The following UTP4 variants were observed in gnomAD, a reference collection of about 807,000 sequenced individuals.
UTP4 encodes U3 small nucleolar RNA-associated protein 4 homolog.
Under a neutral mutation model 82.4 loss-of-function variants are expected in UTP4, and 45 were observed. The observed-to-expected ratio is 0.55, with a 90% CI of 0.43 to 0.70. The LOEUF (loss-of-function observed/expected upper bound fraction) is 0.70. Ranked by LOEUF, UTP4 falls within the 30% of genes least tolerant of loss-of-function variation. The pLI is 0.00. For missense variants in UTP4, 819 were observed against 858.3 expected, an observed-to-expected ratio of 0.95 and a Z score of 0.57; for synonymous variants, 348 against 300.3, an observed-to-expected ratio of 1.16 and a Z score of -1.64.
rs777003791 is a variant in UTP4, at chr16:69,153,696, G to T, written c.1099+16G>T. The T allele has an allele frequency of 5.1e-6, 8 of 1,561,900 alleles. No homozygotes were observed. The East Asian group carries it at 1.1e-4, about 22-fold the overall frequency. ...GTTGCAACAGGTAAGATGGGAGCAC[G>T]TTTTTTTCAATAAGAAAACTGGAGA... is the stretch of plus-strand genomic sequence containing the variant. On this transcript the variant is annotated intron_variant, in intron 9 of 16. Coordinates refer to ENST00000314423, the MANE Select transcript of UTP4 (RefSeq NM_032830.3).
rs552112487 is a variant in UTP4, at chr16:69,150,993, C to T, written c.1002+89C>T. 2.6e-5 allele frequency: 26 copies of T among 1,013,434 alleles called. No individual in the cohort carries two copies. The Admixed American group carries it at 2.7e-4, about 11-fold the overall frequency. 62.8% of individuals were successfully genotyped at this position (1,013,434 alleles called of 1,614,324 possible). A position where few individuals can be genotyped will look rare whatever the true frequency, so the allele number is the denominator to read the frequency against. On this transcript the variant is annotated intron_variant, in intron 8 of 16. Transcript: ENST00000314423. ...ACAAGCTCTGAACACAGCTCACGCT[C>T]GGCAAATTTGTAGGACTTTTTTTTT...
At chr16:69,167,339 C>T (rs1963727129) in intron 16 of UTP4, 154 bp downstream of exon 16, 1 of 663,070 alleles carries the variant, frequency 1.5e-6, no homozygotes, top group Admixed American at 2.3e-5. Flanking sequence ...CTGGCTGTCC[C>T]TTGTATATGT....
rs780623192 is a variant in UTP4 at position 69,160,468 on chromosome 16, C to T, written c.1551+6C>T. 6.2e-7 allele frequency: 1 copy of T among 1,601,008 alleles called. No homozygotes were observed. Among genetic ancestry groups the T allele is most frequent in the Admixed American group, 1.7e-5 (1 of 59,978 alleles). ...ACAACGTAAAACAGCTAAAGGTGAG[C>T]ATAGGGTTTCATGGCAGCAGTTTGA... is the stretch of plus-strand genomic sequence containing the variant. On this transcript the variant is annotated splice_donor_region_variant and intron_variant, in intron 13 of 16. Coordinates refer to ENST00000314423, the MANE Select transcript of UTP4 (RefSeq NM_032830.3).
At chr16:69,139,757 G>T (rs1344853097) in intron 4 of UTP4, 68 bp from the exon 5 acceptor site, 1 of 1,017,844 alleles carries the variant, frequency 9.8e-7, no homozygotes, top group Non-Finnish European at 1.6e-6. Flanking sequence ...GTTGTGGGAA[G>T]AGAGCTCAGT....
chr16:69,159,997 A>G (rs1226627605), intron 12 of UTP4, among the ~76,000 whole-genome samples: 1 of 151,804 alleles, frequency 6.6e-6, no homozygotes. Context: ...AAAAAAAAAA[A>G]CAAAAAACAG....
chr16:69,151,881 A>G (rs958362215), intron 8 of UTP4, among the ~76,000 whole-genome samples: 4 of 151,474 alleles, frequency 2.6e-5, no homozygotes, highest in Admixed American at 1.3e-4. Context: ...CCAGGCTTCC[A>G]GTGTTCTAGG....
chr16:69,168,433 CA>C (rs34234554), intron 16 of UTP4, among the ~76,000 whole-genome samples: 2,204 of 51,592 alleles, frequency 0.043, 22 homozygotes, highest in African/African-American at 0.14. Context: ...GAGACTGTCT[CA>C]AAAAAAAAAA....
intron 5 of UTP4, among the ~76,000 whole-genome samples, chr16:69,140,575 G>T (rs975947032): frequency 6.6e-6 from 1 of 152,024 alleles, no homozygotes; most frequent in African/African-American, 2.4e-5. Flanking sequence ...ATTAGCCGGG[G>T]TGGTGGTGCA....
At chr16:69,158,161 CTTTTTTTTT>C (rs34392768) in intron 12 of UTP4, among the ~76,000 whole-genome samples, 71 of 40,422 alleles carry the variant, frequency 1.8e-3, no homozygotes, top group African/African-American at 4.4e-3. Context: ...AAAGTCAACT[CTTTTTTTTT>C]TTTTTTTTTT....
intron 4 of UTP4, 170 bp from the exon 5 acceptor site, chr16:69,139,639 AAAATAAATAAATAAAT>A (rs60340195): frequency 0.03 from 4,982 of 167,084 alleles, 211 homozygotes; most frequent in Non-Finnish European, 0.04. Context: ...CTCCGTCTCA[AAAATAAATAAATAAAT>A]AAATAAATAA....
intron 6 of UTP4, among the ~76,000 whole-genome samples, chr16:69,146,874 G>T (rs1963124738): frequency 6.6e-6 from 1 of 151,282 alleles, no homozygotes; most frequent in South Asian, 2.1e-4. Flanking sequence ...GTGGTGGCGG[G>T]CGCCTGTAGT....
intron 1 of UTP4, among the ~76,000 whole-genome samples, 167 bp from the exon 2 acceptor site, chr16:69,133,291 A>G (rs549671509): frequency 7.2e-5 from 11 of 152,030 alleles, no homozygotes; most frequent in East Asian, 1.9e-4. Flanking sequence ...GCTTTTGAAG[A>G]TTGAGTAATT....
intron 12 of UTP4, among the ~76,000 whole-genome samples, chr16:69,159,405 A>T (rs1321493671): frequency 6.6e-6 from 1 of 152,136 alleles, no homozygotes; most frequent in Admixed American, 6.5e-5. Flanking sequence ...GCTTAAAAAA[A>T]ATTTAGGGGC....
At chr16:69,156,968 A>T in intron 11 of UTP4, 116 bp from the exon 12 acceptor site, 1 of 1,007,362 alleles carries the variant, frequency 9.9e-7, no homozygotes, top group Non-Finnish European at 1.6e-6. Context: ...GTGCCGAGTC[A>T]GTTGGCTTAC....
chr16:69,136,626 G>C, intron 2 of UTP4, 70 bp from the exon 3 acceptor site: 1 of 1,482,604 alleles, frequency 6.7e-7, no homozygotes, highest in Non-Finnish European at 9.4e-7. Flanking sequence ...TTACCATGTT[G>C]CCTGTGACCA....
chr16:69,134,777 A>C (rs1420573651), intron 2 of UTP4, among the ~76,000 whole-genome samples: 18 of 136,518 alleles, frequency 1.3e-4, no homozygotes, highest in Admixed American at 1.3e-3. Context: ...ATCTTGGCTC[A>C]CTGCAACCTC....
intron 2 of UTP4, among the ~76,000 whole-genome samples, chr16:69,135,198 G>A (rs920272734): frequency 2.0e-5 from 3 of 152,082 alleles, no homozygotes; most frequent in African/African-American, 7.2e-5. Context: ...CATTTATCAA[G>A]CGCCTCCTAC....
intron 14 of UTP4, 90 bp from the exon 15 acceptor site, chr16:69,165,251 T>C: frequency 8.7e-7 from 1 of 1,144,542 alleles, no homozygotes; most frequent in Non-Finnish European, 1.3e-6. Context: ...GTTGAAGCTT[T>C]GTATAGATAC....
intron 10 of UTP4, 150 bp from the exon 11 acceptor site, chr16:69,155,721 T>A (rs1963391666): frequency 1.2e-6 from 1 of 821,388 alleles, no homozygotes; most frequent in African/African-American, 1.7e-5. Context: ...TCTGAAATAA[T>A]CATATTAATG....
Sources: gnomAD v4.1 joint callset for allele counts (sites outside exome capture counted in the v4.1 genomes callset) on GRCh38, gnomAD v4.1.1 for gene constraint, MANE v1.5 for transcripts, NCBI Gene and HGNC (gene_info 2026-07-23, HGNC 2026-07-21) for gene names.